Variants in PRKAG2 observed in about 807,000 individuals in gnomAD.
PRKAG2 encodes 5'-AMP-activated protein kinase subunit gamma-2.
In PRKAG2, 26 loss-of-function variants were observed where a neutral mutation model predicts 69.6. The ratio of observed to expected loss-of-function variants is 0.37; its 90% CI spans 0.27 to 0.52. PRKAG2 has a LOEUF of 0.52. Ranked by LOEUF, PRKAG2 falls within the 20% of genes least tolerant of loss-of-function variation. PRKAG2 has a pLI of 0.90. For synonymous variants in PRKAG2, 293 were observed against 285.0 expected (o/e 1.03, Z -0.28); for missense variants, 557 against 740.0 (o/e 0.75, Z 2.87).
rs985779547 is a variant in PRKAG2, at chr7:151,836,085, C to T, written c.114+40422G>A. 6.6e-6 allele frequency among the ~76,000 whole-genome samples: 1 copy of T among 152,184 alleles called. No individual in the cohort carries two copies. Among genetic ancestry groups the T allele is most frequent in the African/African-American group, 2.4e-5 (1 of 41,450 alleles). On this transcript the variant is annotated intron_variant, in intron 1 of 15. Coordinates refer to ENST00000287878, the MANE Select transcript of PRKAG2 (RefSeq NM_016203.4). The surrounding 1 kb of genome is among the most constrained non-coding windows in gnomAD (Gnocchi z 4.1). ...ACCCCGACATTTTTTGGTTTTAAAC[C>T]AGTGAGATGTGATTACAATGAATAT... is the stretch of plus-strand genomic sequence containing the variant.
intron 1 of PRKAG2, among the ~76,000 whole-genome samples, chr7:151,818,628 A>G (rs1256128042): frequency 2.6e-5 from 4 of 152,250 alleles, no homozygotes; most frequent in Admixed American, 6.5e-5. Flanking sequence ...TTATGTGCCA[A>G]TGCTGTCCCT....
intron 4 of PRKAG2, among the ~76,000 whole-genome samples, chr7:151,671,984 T>C (rs1405729215): frequency 1.3e-5 from 2 of 152,208 alleles, no homozygotes; most frequent in African/African-American, 2.4e-5. Flanking sequence ...CTCTTTTTGG[T>C]TTATGGTGAT....
At chr7:151,862,269 C>A (rs2079948933) in intron 1 of PRKAG2, among the ~76,000 whole-genome samples, 1 of 152,160 alleles carries the variant, frequency 6.6e-6, no homozygotes, top group Admixed American at 6.5e-5. Context: ...AAACAAATAA[C>A]ACAGTAATGT....
intron 1 of PRKAG2, among the ~76,000 whole-genome samples, chr7:151,852,962 G>A (rs1383326999): frequency 1.3e-5 from 2 of 152,220 alleles, no homozygotes; most frequent in African/African-American, 4.8e-5. Context: ...CCCCAGGACT[G>A]GCTGTTGCAG....
chr7:151,857,333 C>T (rs1372101505), intron 1 of PRKAG2, among the ~76,000 whole-genome samples: 3 of 147,540 alleles, frequency 2.0e-5, no homozygotes, highest in African/African-American at 5.0e-5. Flanking sequence ...GGAATGAGGC[C>T]GATGCCCAGG....
At chr7:151,558,063 A>G (rs894842651) in intron 15 of PRKAG2, 50 of 985,244 alleles carry the variant, frequency 5.1e-5, no homozygotes, top group Admixed American at 1.8e-4. Flanking sequence ...GAGATCGGCA[A>G]TCTATTAGAG....
intron 3 of PRKAG2, among the ~76,000 whole-genome samples, chr7:151,682,662 G>T (rs558415160): frequency 1.3e-5 from 2 of 152,340 alleles, no homozygotes; most frequent in South Asian, 4.1e-4. Flanking sequence ...TATGCTGGGG[G>T]TGTTGAGGAA....
chr7:151,724,586 C>T (rs1182942126), intron 3 of PRKAG2, among the ~76,000 whole-genome samples: 2 of 152,182 alleles, frequency 1.3e-5, no homozygotes, highest in Non-Finnish European at 2.9e-5. Flanking sequence ...CAGGTCCCGT[C>T]GTCGCCCTCC....
chr7:151,566,371 C>G (rs1028142679), intron 11 of PRKAG2, among the ~76,000 whole-genome samples: 12 of 152,152 alleles, frequency 7.9e-5, no homozygotes, highest in Non-Finnish European at 1.6e-4. Context: ...TCACGCCACC[C>G]GCCTCTACAT....
intron 3 of PRKAG2, among the ~76,000 whole-genome samples, chr7:151,761,084 T>C (rs779668466): frequency 5.3e-5 from 8 of 152,220 alleles, no homozygotes; most frequent in Non-Finnish European, 1.0e-4. Context: ...AAATCTGACA[T>C]AGCTGATTCC....
chr7:151,825,920 G>A (rs983114198), intron 1 of PRKAG2, among the ~76,000 whole-genome samples: 6 of 152,136 alleles, frequency 3.9e-5, no homozygotes, highest in South Asian at 4.1e-4. Flanking sequence ...CAAGCAAGCC[G>A]CCAGTAGGTC....
chr7:151,855,253 A>ACACACACCG (rs1563757105), intron 1 of PRKAG2, among the ~76,000 whole-genome samples: 22 of 13,030 alleles, frequency 1.7e-3, no homozygotes, highest in African/African-American at 2.4e-3. Flanking sequence ...CACACACACC[A>ACACACACCG]CCCTCCACAC....
chr7:151,640,042 G>A (rs1384861328), intron 4 of PRKAG2, among the ~76,000 whole-genome samples: 1 of 152,170 alleles, frequency 6.6e-6, no homozygotes, highest in Non-Finnish European at 1.5e-5. Context: ...CAGGCACAGT[G>A]GCTCACATGT....
At chr7:151,600,283 T>G (rs1013580299) in intron 5 of PRKAG2, among the ~76,000 whole-genome samples, 8 of 152,238 alleles carry the variant, frequency 5.3e-5, no homozygotes, top group African/African-American at 1.9e-4. Context: ...TTTAGGAAGA[T>G]CTGGACTACT....
chr7:151,816,891 G>C (rs1463296084), intron 1 of PRKAG2, among the ~76,000 whole-genome samples: 1 of 152,196 alleles, frequency 6.6e-6, no homozygotes, highest in African/African-American at 2.4e-5. Context: ...AAATGTCAGA[G>C]AAATGGGCTC....
rs148639538 is a variant in PRKAG2 at position 151,645,687 on chromosome 7, G to A, written c.685-13549C>T. On this transcript the variant is annotated intron_variant, in intron 4 of 15. Coordinates refer to ENST00000287878, the MANE Select transcript of PRKAG2 (RefSeq NM_016203.4). Reference sequence around the variant, plus strand: ...CTTGCCTTTTCATATTCCTAGTCATGTCTTTCAAAGAGCAAGTTTTTAATT... The same window carrying A: ...CTTGCCTTTTCATATTCCTAGTCATATCTTTCAAAGAGCAAGTTTTTAATT... Among the ~76,000 whole-genome samples, 30 of 152,238 alleles carry A rather than the reference G, an allele frequency of 2.0e-4. No homozygotes were observed. In the East Asian group the frequency reaches 5.6e-3, roughly 28 times the overall value.
At chr7:151,852,517 G>A (rs150111368) in intron 1 of PRKAG2, among the ~76,000 whole-genome samples, 150 of 152,052 alleles carry the variant, frequency 9.9e-4, no homozygotes, top group Middle Eastern at 3.4e-3. Context: ...TAAACCCTAC[G>A]AGGGCAGCAG....
chr7:151,760,650 T>C (rs2075360043), intron 3 of PRKAG2, among the ~76,000 whole-genome samples: 1 of 152,182 alleles, frequency 6.6e-6, no homozygotes, highest in African/African-American at 2.4e-5. Context: ...CTGGCTCCAG[T>C]GTGGTCTCCT....
chr7:151,643,840 A>T (rs1393309117), intron 4 of PRKAG2, among the ~76,000 whole-genome samples: 1 of 152,248 alleles, frequency 6.6e-6, no homozygotes, highest in Non-Finnish European at 1.5e-5. Context: ...TTCCAAGTGT[A>T]CAATTTGATG....
Sources: gnomAD v4.1 joint callset for allele counts (sites outside exome capture counted in the v4.1 genomes callset) on GRCh38, gnomAD v4.1.1 for gene constraint, Gnocchi (gnomAD v3.1) non-coding constraint, MANE v1.5 for transcripts, NCBI Gene and HGNC (gene_info 2026-07-23, HGNC 2026-07-21) for gene names.